Variants in DMD observed in about 807,000 individuals in gnomAD.
DMD encodes mutant dystrophin.
Under a neutral mutation model 330.1 loss-of-function variants are expected in DMD, and 63 were observed. The ratio of observed to expected loss-of-function variants is 0.19; its 90% CI spans 0.16 to 0.24. DMD has a LOEUF of 0.24. Among genes scored for constraint, DMD ranks in the 10% least tolerant of loss-of-function variants. The probability of loss-of-function intolerance (pLI) is 1.00; values close to 1 mark genes in which losing one functional copy is unlikely to be tolerated. For synonymous variants in DMD, 1,223 were observed against 959.8 expected, an observed-to-expected ratio of 1.27 and a Z score of -5.07; for missense variants, 3,344 against 2,684.1, an observed-to-expected ratio of 1.25 and a Z score of -5.43.
chrX:32,310,416 T>C, intron 41 of DMD, 140 bp from the exon 42 acceptor site: 1 of 503,909 alleles, frequency 2.0e-6, no homozygotes. Context: ...AACCTCACGA[T>C]GGTAAGTCTA....
At chrX:32,263,740 C>T (rs930915389) in intron 43 of DMD, among the ~76,000 whole-genome samples, 1 of 111,546 alleles carries the variant, frequency 9.0e-6, no homozygotes, top group African/African-American at 3.3e-5. Context: ...GGAAGGCCAT[C>T]CAGGATGTTG....
At chrX:31,241,844 CT>C (rs746674154) in intron 63 of DMD, among the ~76,000 whole-genome samples, 28 of 111,760 alleles carry the variant, frequency 2.5e-4, no homozygotes, top group African/African-American at 9.1e-4. Context: ...CATTATTTCT[CT>C]TTTCTGAAGA....
intron 64 of DMD, among the ~76,000 whole-genome samples, chrX:31,221,614 G>T (rs1465599630): frequency 8.9e-6 from 1 of 112,852 alleles, no homozygotes; most frequent in Non-Finnish European, 1.9e-5. Flanking sequence ...ACATTGAAAT[G>T]GTCTTGGAAA....
chrX:31,507,654 T>C (rs189540692), intron 55 of DMD, among the ~76,000 whole-genome samples: 41 of 112,584 alleles, frequency 3.6e-4, no homozygotes, highest in Admixed American at 2.9e-3. Context: ...AGATTTAAAA[T>C]GGGCATCTTA....
At chrX:32,312,378 C>CT (rs2097565804) in intron 41 of DMD, among the ~76,000 whole-genome samples, 1 of 111,256 alleles carries the variant, frequency 9.0e-6, no homozygotes, top group East Asian at 2.8e-4. Flanking sequence ...GTCTTCATTA[C>CT]TTTCATTTGA....
intron 1 of DMD, among the ~76,000 whole-genome samples, chrX:33,121,748 T>C (rs965607290): frequency 1.1e-3 from 127 of 112,071 alleles, no homozygotes; most frequent in African/African-American, 3.9e-3. Context: ...GGTAAGTGTT[T>C]AGAAATTGTG....
At chrX:32,549,297 A>C (rs905748956) in intron 16 of DMD, among the ~76,000 whole-genome samples, 18 of 111,550 alleles carry the variant, frequency 1.6e-4, no homozygotes, top group African/African-American at 5.5e-4. Context: ...AGTAAGAGTA[A>C]CACATTTCTT....
intron 38 of DMD, among the ~76,000 whole-genome samples, chrX:32,346,915 A>C (rs2097765726): frequency 8.9e-6 from 1 of 111,886 alleles, no homozygotes; most frequent in African/African-American, 3.2e-5. Context: ...GAATGTGAAA[A>C]CTTTGTATCA....
At chrX:33,299,411 G>A (rs966303856) in intron 1 of DMD, among the ~76,000 whole-genome samples, 2 of 111,436 alleles carry the variant, frequency 1.8e-5, no homozygotes, top group Non-Finnish European at 3.8e-5. Flanking sequence ...TTATACAAAT[G>A]CTGTCTTTTA....
chrX:32,231,696 A>T (rs138603730), intron 43 of DMD, among the ~76,000 whole-genome samples: 5,789 of 111,474 alleles, frequency 0.052, 181 homozygotes, highest in Non-Finnish European at 0.079. Flanking sequence ...ACCTTCCACA[A>T]GACTGTTTTT....
At chrX:31,645,442 A>G (rs1404893243) in intron 54 of DMD, among the ~76,000 whole-genome samples, 1 of 112,493 alleles carries the variant, frequency 8.9e-6, no homozygotes, top group Non-Finnish European at 1.9e-5. Context: ...GGTAAGAATA[A>G]CAGCCTTGGA....
chrX:31,938,331 G>A (rs1270631303), intron 45 of DMD, among the ~76,000 whole-genome samples: 1 of 111,811 alleles, frequency 8.9e-6, no homozygotes, highest in Non-Finnish European at 1.9e-5. Flanking sequence ...TTTTCCAAAT[G>A]AGAAGTCCCT....
intron 59 of DMD, among the ~76,000 whole-genome samples, chrX:31,451,569 A>G (rs2065756693): frequency 9.1e-6 from 1 of 110,135 alleles, no homozygotes; most frequent in Non-Finnish European, 1.9e-5. Flanking sequence ...GGCCTGAGCC[A>G]CCGTGCCGGG....
chrX:31,226,899 C>T (rs2147118573), intron 63 of DMD, among the ~76,000 whole-genome samples: 1 of 111,936 alleles, frequency 8.9e-6, no homozygotes, highest in Non-Finnish European at 1.9e-5. Flanking sequence ...CCCATTAACA[C>T]CAGCCTGTAG....
intron 44 of DMD, among the ~76,000 whole-genome samples, chrX:32,076,380 T>C: frequency 1.1e-5 from 1 of 94,551 alleles, no homozygotes; most frequent in Middle Eastern, 5.1e-3. Flanking sequence ...TTTTTCTTTC[T>C]TTCTTTTTTT....
intron 44 of DMD, among the ~76,000 whole-genome samples, chrX:32,112,309 A>G (rs2096592824): frequency 8.9e-6 from 1 of 111,965 alleles, no homozygotes; most frequent in Non-Finnish European, 1.9e-5. Flanking sequence ...AGCAGGTCTG[A>G]GATGAGGCCT....
chrX:32,728,970 T>G (rs2067211082), intron 7 of DMD, among the ~76,000 whole-genome samples: 1 of 111,979 alleles, frequency 8.9e-6, no homozygotes, highest in East Asian at 2.8e-4. Flanking sequence ...ATTTTCCAAC[T>G]ACCACAAAAG....
In DMD at chrX:31,814,482, CAAAAAAAAAAAAAAAA is replaced by C. The variant is rs151208391; in HGVS notation, c.7309+5477_7309+5492del. ...TGGGCGACAGAGTGAGACTCCGTCT[CAAAAAAAAAAAAAAAA>C]AAAAAAAAAAAAAAAAAGAAAACTC... On this transcript the variant is annotated intron_variant, in intron 50 of 78. Transcript: ENST00000357033. Among the ~76,000 whole-genome samples, 93 of 28,996 alleles carry C rather than the reference CAAAAAAAAAAAAAAAA, an allele frequency of 3.2e-3. 2 individuals carry two copies. The highest frequency in any genetic ancestry group is 0.017 in the South Asian group (3 of 178). The allele number at this position is 28,996 out of a possible 115,157, so 25.2% of individuals were successfully genotyped here. A position where few individuals can be genotyped will look rare whatever the true frequency, so the allele number is the denominator to read the frequency against.
chrX:32,321,340 G>T (rs1052157010), intron 41 of DMD, among the ~76,000 whole-genome samples: 2 of 111,452 alleles, frequency 1.8e-5, no homozygotes, highest in African/African-American at 6.5e-5. Flanking sequence ...CAGGTGAAGA[G>T]AGAATGATGA....
Sources: gnomAD v4.1 joint callset for allele counts (sites outside exome capture counted in the v4.1 genomes callset) on GRCh38, gnomAD v4.1.1 for gene constraint, MANE v1.5 for transcripts, NCBI Gene and HGNC (gene_info 2026-07-23, HGNC 2026-07-21) for gene names.